CFAP54: variants seen among roughly 807,000 people sequenced by gnomAD.
The protein encoded by CFAP54 is cilia- and flagella-associated protein 54.
In CFAP54, 290 loss-of-function variants were observed where a neutral mutation model predicts 370.4. The ratio of observed to expected loss-of-function variants is 0.78; its 90% confidence interval spans 0.71 to 0.86. CFAP54 has a LOEUF of 0.86. Ranked by LOEUF, CFAP54 falls within the 40% of genes least tolerant of loss-of-function variation. CFAP54 has a pLI of 0.00. For missense variants in CFAP54, 3,399 were observed against 3,528.7 expected (o/e 0.96, Z 0.93); for synonymous variants, 1,206 against 1,236.5 (o/e 0.98, Z 0.52).
intron 17 of CFAP54, among the ~76,000 whole-genome samples, chr12:96,562,583 C>T (rs1955827459): frequency 6.6e-6 from 1 of 151,822 alleles, no homozygotes; most frequent in Non-Finnish European, 1.5e-5. Flanking sequence ...TGTGCCACCA[C>T]ACCTGGCTAA....
intron 1 of CFAP54, among the ~76,000 whole-genome samples, chr12:96,491,890 G>C (rs942260656): frequency 6.0e-4 from 92 of 152,098 alleles, no homozygotes; most frequent in African/African-American, 2.1e-3. Context: ...CTTCTGAGTA[G>C]CTGGGACTAC....
chr12:96,551,594 A>G (rs975581352), intron 15 of CFAP54, among the ~76,000 whole-genome samples: 1 of 152,092 alleles, frequency 6.6e-6, no homozygotes, highest in Non-Finnish European at 1.5e-5. Context: ...CTAGAAATAC[A>G]TAATGCAATA....
intron 66 of CFAP54, among the ~76,000 whole-genome samples, chr12:96,832,533 T>C (rs1168756835): frequency 6.6e-6 from 1 of 152,062 alleles, no homozygotes; most frequent in African/African-American, 2.4e-5. Flanking sequence ...GTATTTGTCA[T>C]AAGGCCTAGT....
At chr12:96,609,364 A>T (rs1956331589) in intron 26 of CFAP54, among the ~76,000 whole-genome samples, 2 of 152,252 alleles carry the variant, frequency 1.3e-5, no homozygotes, top group African/African-American at 4.8e-5. Flanking sequence ...AAAATGCCAC[A>T]AAGGCATTTG....
At chr12:96,503,808 G>A in intron 2 of CFAP54, 78 bp from the exon 3 acceptor site, 2 of 1,204,234 alleles carry the variant, frequency 1.7e-6, no homozygotes, top group Non-Finnish European at 2.2e-6. Context: ...ATACTATTAG[G>A]AATAATATGA....
In CFAP54 at chr12:96,538,412, T is replaced by C. The variant is rs566071454; in HGVS notation, c.1820T>C (p.Val607Ala). ...GTTCAACCTGATAAAGAAATTGTTG[T>C]GGACACGATAATGTTCCTATGGCAG... ...QDVQPDKEIV[V>A]DTIMFLWQKC... Residue 607 changes from valine (V) to alanine (A), a missense_variant, in exon 13 of 68, where the codon GTG becomes GCG. By Grantham distance (64) the Val-to-Ala change is moderately conservative. Transcript: ENST00000524981. 520 of 1,535,630 alleles carry C rather than the reference T, an allele frequency of 3.4e-4. 6 individuals are homozygous for C. In the South Asian group the frequency reaches 6.0e-3, roughly 18 times the overall value.
chr12:96,663,990 G>A, intron 39 of CFAP54, 58 bp downstream of exon 39: 1 of 1,258,536 alleles, frequency 7.9e-7, no homozygotes, highest in South Asian at 1.3e-5. Context: ...TTGCCATTGT[G>A]TTCTGCATGT....
intron 15 of CFAP54, among the ~76,000 whole-genome samples, chr12:96,553,166 C>T (rs979410600): frequency 2.0e-5 from 3 of 152,114 alleles, no homozygotes; most frequent in African/African-American, 4.8e-5. Context: ...ACTTCTAATT[C>T]TGTGTATTAA....
chr12:96,868,677 A>T (rs928612036), intron 67 of CFAP54, among the ~76,000 whole-genome samples: 3 of 152,160 alleles, frequency 2.0e-5, no homozygotes, highest in African/African-American at 7.2e-5. Context: ...AGATTAATTA[A>T]AACCAGACAA....
Position 96,584,488 on chromosome 12 carries a change from AAG to A in CFAP54, c.3075+3386_3075+3387del, listed in dbSNP as rs72041426. On this transcript the variant is annotated intron_variant, in intron 22 of 67. Coordinates refer to ENST00000524981, the MANE Select transcript of CFAP54 (RefSeq NM_001306084.2). ...TAAAAACAACAACAATAACAACAAAAAGAGTTTTAACTCTTCTTTTCCCTCTC... is the reference window on the plus strand; with the variant it reads ...TAAAAACAACAACAATAACAACAAAAAGTTTTAACTCTTCTTTTCCCTCTC... Among the ~76,000 whole-genome samples, 1,441 of 152,052 alleles carry A rather than the reference AAG, an allele frequency of 9.5e-3. 52 individuals are homozygous for A. The East Asian group carries it at 0.099, about 10-fold the overall frequency.
intron 65 of CFAP54, among the ~76,000 whole-genome samples, chr12:96,825,738 T>A (rs1178044350): frequency 8.0e-6 from 1 of 125,666 alleles, no homozygotes; most frequent in Non-Finnish European, 1.5e-5. Context: ...TATATAAATA[T>A]CACATTACAT....
intron 63 of CFAP54, among the ~76,000 whole-genome samples, chr12:96,805,838 C>T (rs1307255631): frequency 6.6e-6 from 1 of 151,806 alleles, no homozygotes; most frequent in South Asian, 2.1e-4. Context: ...TGGAATTAAC[C>T]TACGTGTCCA....
intron 32 of CFAP54, among the ~76,000 whole-genome samples, chr12:96,639,559 A>G (rs997031169): frequency 6.6e-6 from 1 of 152,190 alleles, no homozygotes; most frequent in African/African-American, 2.4e-5. Context: ...AAAAGAGGGA[A>G]TCCTCCCTAA....
intron 5 of CFAP54, among the ~76,000 whole-genome samples, chr12:96,513,725 A>G (rs529715268): frequency 3.9e-5 from 6 of 152,284 alleles, no homozygotes; most frequent in African/African-American, 9.6e-5. Flanking sequence ...CCTGGGTGAC[A>G]GAGCAAGACT....
chr12:96,828,039 A>AT (rs1959145070), intron 65 of CFAP54, among the ~76,000 whole-genome samples: 1 of 127,362 alleles, frequency 7.9e-6, no homozygotes, highest in Non-Finnish European at 1.6e-5. Flanking sequence ...TATATAATAT[A>AT]TAATTATATA....
intron 1 of CFAP54, among the ~76,000 whole-genome samples, chr12:96,490,352 A>G (rs1954866602): frequency 6.6e-6 from 1 of 152,230 alleles, no homozygotes; most frequent in African/African-American, 2.4e-5. Context: ...TAATAGCAAT[A>G]TAAGAAGGAA....
intron 17 of CFAP54, among the ~76,000 whole-genome samples, chr12:96,556,979 T>C (rs1235277272): frequency 3.9e-5 from 6 of 152,090 alleles, no homozygotes; most frequent in Non-Finnish European, 8.8e-5. Context: ...GGTAACAAAA[T>C]AATCTGTATA....
chr12:96,522,006 C>T (rs767882665), intron 7 of CFAP54, 36 bp downstream of exon 7: 2 of 1,512,268 alleles, frequency 1.3e-6, no homozygotes, highest in African/African-American at 1.4e-5. Flanking sequence ...AAATTTACCA[C>T]ACTCTACAGC....
chr12:96,579,349 T>G (rs1238358043), intron 20 of CFAP54, among the ~76,000 whole-genome samples: 3 of 152,174 alleles, frequency 2.0e-5, no homozygotes, highest in Non-Finnish European at 2.9e-5. Flanking sequence ...CATCAGAAAT[T>G]CTAATTCATT....
Sources: gnomAD v4.1 joint callset for allele counts (sites outside exome capture counted in the v4.1 genomes callset) on GRCh38, gnomAD v4.1.1 for gene constraint, MANE v1.5 for transcripts, NCBI Gene and HGNC (gene_info 2026-07-23, HGNC 2026-07-21) for gene names.